MGAM2: variants seen among roughly 807,000 people sequenced by gnomAD.
MGAM2 encodes probable maltase-glucoamylase 2.
In MGAM2, 98 loss-of-function variants were observed where a neutral mutation model predicts 96.1. The observed-to-expected ratio is 1.02, with a 90% CI of 0.87 to 1.21. The LOEUF is 1.21. MGAM2 is among the 50% of genes most tolerant of loss of function. The pLI, the probability that MGAM2 is intolerant of heterozygous loss-of-function variation, is 0.00. For synonymous variants in MGAM2, 749 were observed against 414.8 expected, an observed-to-expected ratio of 1.81 and a Z score of -9.79; for missense variants, 2,055 against 1,182.4, an observed-to-expected ratio of 1.74 and a Z score of -10.82.
At chr7:142,164,094 A>G (rs1795962915) in intron 23 of MGAM2, among the ~76,000 whole-genome samples, 1 of 152,126 alleles carries the variant, frequency 6.6e-6, no homozygotes, top group African/African-American at 2.4e-5. Flanking sequence ...TTGGGGTTCA[A>G]CCTTTGACCT....
intron 7 of MGAM2, among the ~76,000 whole-genome samples, chr7:142,134,852 TAAA>T (rs890361383): frequency 2.0e-5 from 3 of 150,310 alleles, no homozygotes; most frequent in African/African-American, 7.3e-5. Context: ...AAAAATGAAA[TAAA>T]AAAACTCAAA....
chr7:142,167,589 T>C lies in MGAM2; in HGVS notation c.3027+103T>C, dbSNP rs1796066842. ...AACAATTAAAACATTTTTTTTCTTT[T>C]CAAGACAGGATCTCCCACTGACACC... On this transcript the variant is annotated intron_variant, in intron 26 of 47. Coordinates refer to ENST00000477922, the MANE Select transcript of MGAM2 (RefSeq NM_001293626.2). 7 of 649,816 alleles carry C rather than the reference T, an allele frequency of 1.1e-5. No individual in the cohort carries two copies. The East Asian group carries it at 1.9e-4, about 18-fold the overall frequency. 40.3% of individuals were successfully genotyped at this position (649,816 alleles called of 1,614,324 possible). A position where few individuals can be genotyped will look rare whatever the true frequency, so the allele number is the denominator to read the frequency against.
intron 7 of MGAM2, 115 bp from the exon 8 acceptor site, chr7:142,136,426 A>C (rs1292318012): frequency 4.4e-6 from 2 of 454,982 alleles, no homozygotes; most frequent in East Asian, 3.3e-5. Context: ...ACAATGTTAA[A>C]CTACATGAAG....
chr7:142,134,108 T>G lies in MGAM2; in HGVS notation c.703T>G (p.Trp235Gly), dbSNP rs1372222833. Residue 235 changes from tryptophan (W) to glycine (G), a missense_variant, in exon 7 of 48, where the codon TGG becomes GGG. Trp to Gly is a radical substitution (Grantham distance 184, BLOSUM62 -2). Transcript: ENST00000477922. ...VHQQYRHNMT[W>G]KTWPIFTRDA... ...CCAGCAGTACCGCCACAATATGACC[T>G]GGAAGACTTGGCCCATCTTCACCCG... The G allele has an allele frequency of 1.3e-6, 1 of 762,558 alleles. No individual in the cohort carries two copies. The highest frequency in any genetic ancestry group is 1.7e-5 in the African/African-American group (1 of 59,046). The allele number at this position is 762,558 out of a possible 1,614,324, so 47.2% of individuals were successfully genotyped here.
At chr7:142,199,219 T>C (rs1797143976) in intron 44 of MGAM2, among the ~76,000 whole-genome samples, 1 of 152,142 alleles carries the variant, frequency 6.6e-6, no homozygotes, top group South Asian at 2.1e-4. Flanking sequence ...TATGTAAAAA[T>C]TTATAAAATC....
At position 142,170,176 on chromosome 7, in the gene MGAM2, T is replaced by C. The variant is rs1051536460; in HGVS notation, c.3129T>C (p.Ile1043=). ...DPENRLYDVR[I]QNNPFGIQIQ... The stretch of plus-strand genomic sequence containing the variant: ...AAAACCGTCTGTATGATGTCAGGAT[T>C]CAGAACAATCCTTTTGGAATCCAGA... The change falls in exon 27 of 48, where the codon ATT becomes ATC. Residue 1043 remains isoleucine, a synonymous_variant. Transcript: ENST00000477922. The C allele has an allele frequency of 2.7e-5, 19 of 702,662 alleles. No individual in the cohort carries two copies. The highest frequency in any genetic ancestry group is 4.4e-5 in the Non-Finnish European group (17 of 384,864). 43.5% of individuals were successfully genotyped at this position (702,662 alleles called of 1,614,324 possible). A position where few individuals can be genotyped will look rare whatever the true frequency, so the allele number is the denominator to read the frequency against.
intron 17 of MGAM2, among the ~76,000 whole-genome samples, chr7:142,156,061 CT>C (rs1795726352): frequency 6.6e-6 from 1 of 152,026 alleles, no homozygotes; most frequent in South Asian, 2.1e-4. Context: ...AGGAGAATCT[CT>C]TGAACCGGGG....
intron 21 of MGAM2, 141 bp downstream of exon 21, chr7:142,160,399 A>G (rs60403744): frequency 0.29 from 157,404 of 548,346 alleles, 24,456 homozygotes; most frequent in Non-Finnish European, 0.32. Context: ...TCCTTTCAAA[A>G]TTGATCCAAA....
At chr7:142,163,342 C>T (rs1795943897) in intron 23 of MGAM2, among the ~76,000 whole-genome samples, 1 of 152,190 alleles carries the variant, frequency 6.6e-6, no homozygotes, top group African/African-American at 2.4e-5. Context: ...AGTGCAAGGG[C>T]ACGATCTCAG....
chr7:142,216,756 G>T (rs1241051911), intron 46 of MGAM2, among the ~76,000 whole-genome samples: 1 of 152,168 alleles, frequency 6.6e-6, no homozygotes, highest in Non-Finnish European at 1.5e-5. Context: ...CTGCCCAGTA[G>T]CAAAAGTCTT....
chr7:142,125,486 G>T (rs931439277), intron 3 of MGAM2, among the ~76,000 whole-genome samples: 1 of 152,130 alleles, frequency 6.6e-6, no homozygotes, highest in Non-Finnish European at 1.5e-5. Context: ...AGGGAGCAGA[G>T]CTACTTAATG....
At chr7:142,211,688 T>G (rs1797587661) in intron 46 of MGAM2, among the ~76,000 whole-genome samples, 1 of 152,142 alleles carries the variant, frequency 6.6e-6, no homozygotes, top group South Asian at 2.1e-4. Flanking sequence ...AATATGGGAC[T>G]ATGTGAAAAG....
intron 22 of MGAM2, 59 bp downstream of exon 22, chr7:142,161,272 C>T (rs12703440): frequency 1.4e-6 from 1 of 692,198 alleles, no homozygotes; most frequent in Non-Finnish European, 2.6e-6. Context: ...GAAAATTAGT[C>T]ATCATAGGCT....
chr7:142,197,770 A>T, intron 42 of MGAM2, 42 bp downstream of exon 42: 4 of 702,416 alleles, frequency 5.7e-6, no homozygotes, highest in Non-Finnish European at 1.0e-5. Flanking sequence ...CAATCACATG[A>T]TCTAAAATCA....
rs573306175 is a variant in MGAM2, at chr7:142,134,459, T to C, written c.747+307T>C. ...TATACTTCTGCCAAATTACTATGTC[T>C]TGGTTTAATAACTGAGGAAAGGAAG... is the stretch of plus-strand genomic sequence containing the variant. On this transcript the variant is annotated intron_variant, in intron 7 of 47. Transcript: ENST00000477922. Among the ~76,000 whole-genome samples the C allele has an allele frequency of 2.6e-5, 4 of 152,278 alleles. No individual in the cohort carries two copies. In the South Asian group the frequency reaches 8.3e-4, roughly 32 times the overall value.
At position 142,131,459 on chromosome 7, in the gene MGAM2, A is replaced by C. The variant is rs146242312; in HGVS notation, c.311-59A>C. 3,030 of 677,634 alleles carry C rather than the reference A, an allele frequency of 4.5e-3. 17 individuals are homozygous for C. Among genetic ancestry groups the C allele is most frequent in the Middle Eastern group, 7.6e-3 (32 of 4,224 alleles). 42.0% of individuals were successfully genotyped at this position (677,634 alleles called of 1,614,324 possible). A position where few individuals can be genotyped will look rare whatever the true frequency, so the allele number is the denominator to read the frequency against. On this transcript the variant is annotated intron_variant, in intron 4 of 47. Coordinates refer to ENST00000477922, the MANE Select transcript of MGAM2 (RefSeq NM_001293626.2). ...CTCAAAACAAAAACAAAAACAAAAC[A>C]AAACCAAACACTAAAAGTTAGTCTC...
chr7:142,184,971 C>T (rs1360142354), intron 33 of MGAM2, 106 bp from the exon 34 acceptor site: 6 of 530,822 alleles, frequency 1.1e-5, no homozygotes, highest in Non-Finnish European at 2.0e-5. Flanking sequence ...CAAAGATTCC[C>T]AAGCGTTTCA....
chr7:142,127,844 T>G (rs1794771921), intron 3 of MGAM2, among the ~76,000 whole-genome samples: 1 of 152,224 alleles, frequency 6.6e-6, no homozygotes. Context: ...GTCTTGGGTA[T>G]GTCTCTGTTA....
intron 1 of MGAM2, among the ~76,000 whole-genome samples, 191 bp downstream of exon 1, chr7:142,111,998 CT>C (rs1349164461): frequency 1.5e-5 from 2 of 133,598 alleles, no homozygotes; most frequent in African/African-American, 2.8e-5. Context: ...AGAGGAGAGA[CT>C]GTGTGTGTGT....
Sources: allele counts gnomAD v4.1 joint callset (sites outside exome capture counted in the v4.1 genomes callset), GRCh38; gene constraint gnomAD v4.1.1; transcripts MANE v1.5; gene names NCBI Gene and HGNC (gene_info 2026-07-23, HGNC 2026-07-21).